Variants in IGSF11 observed in about 807,000 individuals in gnomAD.
The protein encoded by IGSF11 is CXADR like 1.
IGSF11 carries 22 observed loss-of-function variants against 41.0 expected under a neutral mutation model. The ratio of observed to expected loss-of-function variants is 0.54; its 90% CI spans 0.38 to 0.77. IGSF11 has a LOEUF of 0.77. Among genes scored for constraint, IGSF11 ranks in the 30% least tolerant of loss-of-function variants. The pLI is 0.00. For missense variants in IGSF11, 444 were observed against 530.8 expected (o/e 0.84, Z 1.61); for synonymous variants, 219 against 201.3 (o/e 1.09, Z -0.74).
intron 1 of IGSF11, 151 bp from the exon 2 acceptor site, chr3:118,930,426 T>G: frequency 1.5e-6 from 1 of 651,220 alleles, no homozygotes; most frequent in Admixed American, 3.8e-5. Flanking sequence ...GACCAGTCAC[T>G]GAGTCAAAAT....
At chr3:119,073,331 C>A (rs2076433914) in intron 1 of IGSF11, among the ~76,000 whole-genome samples, 2 of 152,222 alleles carry the variant, frequency 1.3e-5, no homozygotes, top group Non-Finnish European at 2.9e-5. Flanking sequence ...GCCCAGCCGG[C>A]TTTGCCTAGT....
At chr3:119,046,595 C>A (rs1941363639) in intron 1 of IGSF11, among the ~76,000 whole-genome samples, 1 of 151,764 alleles carries the variant, frequency 6.6e-6, no homozygotes, top group Non-Finnish European at 1.5e-5. Context: ...GGAGAATTTC[C>A]CCAATCTAGC....
At chr3:119,048,197 A>G (rs781761348) in intron 1 of IGSF11, among the ~76,000 whole-genome samples, 44 of 152,234 alleles carry the variant, frequency 2.9e-4, no homozygotes, top group Non-Finnish European at 5.3e-4. Flanking sequence ...CAAAAAATTA[A>G]TGAATCCAGG....
At chr3:119,074,119 G>T (rs1054742830) in intron 1 of IGSF11, among the ~76,000 whole-genome samples, 3 of 152,156 alleles carry the variant, frequency 2.0e-5, no homozygotes, top group Admixed American at 2.0e-4. Flanking sequence ...AAGGTAGAAA[G>T]CTAACAAAGA....
At chr3:119,009,970 T>A (rs1052590538) in intron 1 of IGSF11, among the ~76,000 whole-genome samples, 11 of 152,192 alleles carry the variant, frequency 7.2e-5, no homozygotes, top group Admixed American at 1.3e-4. Flanking sequence ...GAGTAAGATA[T>A]TTTGATATTT....
intron 1 of IGSF11, among the ~76,000 whole-genome samples, chr3:119,055,248 G>A (rs1455520730): frequency 6.6e-6 from 1 of 152,114 alleles, no homozygotes; most frequent in African/African-American, 2.4e-5. Flanking sequence ...AGAAAAACCA[G>A]AAACTCTAAA....
At chr3:119,072,661 C>T (rs1024203227) in intron 1 of IGSF11, among the ~76,000 whole-genome samples, 20 of 152,242 alleles carry the variant, frequency 1.3e-4, no homozygotes, top group African/African-American at 2.4e-4. Context: ...TCATTCCTCC[C>T]GGTTGGTTCG....
At chr3:119,118,094 T>A (rs1043455517) in intron 1 of IGSF11, among the ~76,000 whole-genome samples, 1 of 152,170 alleles carries the variant, frequency 6.6e-6, no homozygotes, top group South Asian at 2.1e-4. Flanking sequence ...GTGCAAAGTG[T>A]TGGTGGATCT....
intron 4 of IGSF11, among the ~76,000 whole-genome samples, chr3:118,918,067 C>G (rs1185768962): frequency 5.4e-5 from 7 of 128,618 alleles, no homozygotes; most frequent in Admixed American, 3.1e-4. Flanking sequence ...ACCCTTCATG[C>G]TAAAAACTCT....
rs1380964114 is a variant in IGSF11 at position 119,002,128 on chromosome 3, C to T, written c.52+32403G>A. On this transcript the variant is annotated intron_variant, in intron 1 of 6. Transcript: ENST00000393775. ...TCCTATTTCTCCACATCCTCTCCAGCACCTGTTGTTTCCTAACTTTTTAAT... is the reference window on the plus strand; with the variant it reads ...TCCTATTTCTCCACATCCTCTCCAGTACCTGTTGTTTCCTAACTTTTTAAT... 1.2e-4 allele frequency among the ~76,000 whole-genome samples: 17 copies of T among 136,940 alleles called. No homozygotes were observed. The East Asian group carries it at 2.0e-3, about 16-fold the overall frequency. The allele number at this position is 136,940 out of a possible 152,430, so 89.8% of individuals were successfully genotyped here.
chr3:119,058,691 A>C (rs535714868), intron 1 of IGSF11, among the ~76,000 whole-genome samples: 19 of 152,358 alleles, frequency 1.2e-4, no homozygotes, highest in Admixed American at 3.9e-4. Context: ...TTATTGCGGC[A>C]CTATTCACAA....
chr3:119,132,809 C>T (rs1396034255), intron 1 of IGSF11, among the ~76,000 whole-genome samples: 1 of 152,054 alleles, frequency 6.6e-6, no homozygotes, highest in Non-Finnish European at 1.5e-5. Flanking sequence ...TGACCACATA[C>T]TTGGAAGTAA....
chr3:118,980,934 T>C (rs1456435810), intron 1 of IGSF11, among the ~76,000 whole-genome samples: 1 of 152,220 alleles, frequency 6.6e-6, no homozygotes, highest in Non-Finnish European at 1.5e-5. Context: ...CATTTTCTTG[T>C]TAAGTGGTTA....
chr3:119,070,996 C>G lies in IGSF11; in HGVS notation c.49+34148G>C, dbSNP rs148447805. ...CTACAGTAGGTAGAGAACAGAATAC[C>G]CATATGAGTAGCACCCTCAAAAAAA... On this transcript the variant is annotated intron_variant, in intron 1 of 6. Coordinates refer to the IGSF11 transcript ENST00000354673. Among the ~76,000 whole-genome samples, 311 of 152,252 alleles carry G rather than the reference C, an allele frequency of 2.0e-3. 1 individual carries two copies. The highest frequency in any genetic ancestry group is 6.4e-3 in the African/African-American group (266 of 41,536).
intron 4 of IGSF11, among the ~76,000 whole-genome samples, chr3:118,911,725 GAGAGAGAGAGAGAA>G (rs936270369): frequency 6.6e-6 from 1 of 150,702 alleles, no homozygotes; most frequent in Non-Finnish European, 1.5e-5. Context: ...GAGACACAGA[GAGAGAGAGAGAGAA>G]AGAGAGAGAG....
chr3:118,966,165 A>G (rs1456239728), intron 1 of IGSF11, among the ~76,000 whole-genome samples: 2 of 152,188 alleles, frequency 1.3e-5, no homozygotes, highest in African/African-American at 4.8e-5. Flanking sequence ...CCCTGCACAT[A>G]ATATACGTAT....
At chr3:119,058,589 G>T (rs368694117) in intron 1 of IGSF11, among the ~76,000 whole-genome samples, 1 of 152,018 alleles carries the variant, frequency 6.6e-6, no homozygotes, top group Non-Finnish European at 1.5e-5. Flanking sequence ...ATCTACAACT[G>T]GAAATACCAT....
chr3:118,910,950 G>C (rs1940194025), intron 4 of IGSF11, among the ~76,000 whole-genome samples: 1 of 151,976 alleles, frequency 6.6e-6, no homozygotes, highest in Admixed American at 6.6e-5. Flanking sequence ...TTATAGCACT[G>C]CATACATTTT....
intron 1 of IGSF11, among the ~76,000 whole-genome samples, chr3:119,017,198 G>A (rs1938802115): frequency 6.6e-6 from 1 of 152,036 alleles, no homozygotes; most frequent in Admixed American, 6.6e-5. Context: ...TTAATGACAG[G>A]GATACCTTCT....
Sources: gnomAD v4.1 joint callset for allele counts (sites outside exome capture counted in the v4.1 genomes callset) on GRCh38, gnomAD v4.1.1 for gene constraint, MANE v1.5 for transcripts, NCBI Gene and HGNC (gene_info 2026-07-23, HGNC 2026-07-21) for gene names.